Variants in EFHD1 observed in about 807,000 individuals in gnomAD.
EFHD1 encodes EF-hand domain-containing protein D1.
A neutral mutation model predicts 17.2 loss-of-function variants in EFHD1; 10 were observed. The observed-to-expected ratio is 0.58, with a 90% CI of 0.36 to 0.99. The LOEUF (loss-of-function observed/expected upper bound fraction) is 0.99, where lower values mean the gene tolerates loss of function less well. EFHD1 is among the 50% of genes least tolerant of loss of function. The pLI is 0.01. For missense variants in EFHD1, 310 were observed against 327.5 expected (o/e 0.95, Z 0.41); for synonymous variants, 153 against 142.0 (o/e 1.08, Z -0.55).
At chr2:232,630,965 C>T (rs150843660), upstream of EFHD1, among the ~76,000 whole-genome samples, 2,265 of 152,176 alleles carry the variant, frequency 0.015, 68 homozygotes, top group African/African-American at 0.052. Flanking sequence ...GTAGCTCATG[C>T]CTGTAATCCT....
intron 1 of EFHD1, among the ~76,000 whole-genome samples, chr2:232,638,815 A>C (rs915949180): frequency 2.6e-5 from 4 of 152,214 alleles, no homozygotes; most frequent in Admixed American, 6.5e-5. Context: ...TTCAGTCAAC[A>C]GTGATCACCT....
intron 1 of EFHD1, chr2:232,638,477 C>A: frequency 2.1e-6 from 1 of 470,360 alleles, no homozygotes; most frequent in South Asian, 1.6e-5. Flanking sequence ...CCAGTGAAAC[C>A]CAAAAAGGTG....
At chr2:232,619,403 T>C (rs898502776) in intron 1 of EFHD1, among the ~76,000 whole-genome samples, 2 of 150,546 alleles carry the variant, frequency 1.3e-5, no homozygotes, top group African/African-American at 2.4e-5. Flanking sequence ...CTCTGCCTCC[T>C]GGGTTCAAGT....
At chr2:232,620,975 A>T (rs1574702649) in intron 1 of EFHD1, among the ~76,000 whole-genome samples, 1 of 152,176 alleles carries the variant, frequency 6.6e-6, no homozygotes, top group East Asian at 1.9e-4. Flanking sequence ...GTTCTCTAAG[A>T]GGGAGGGGCA....
At chr2:232,668,489 G>A (rs1347273873) in intron 2 of EFHD1, among the ~76,000 whole-genome samples, 1 of 152,146 alleles carries the variant, frequency 6.6e-6, no homozygotes, top group Non-Finnish European at 1.5e-5. Context: ...AGTTCATGAA[G>A]CCCGTCCGTA....
At chr2:232,609,226 AT>A (rs1428033530) in intron 1 of EFHD1, among the ~76,000 whole-genome samples, 1 of 151,298 alleles carries the variant, frequency 6.6e-6, no homozygotes, top group African/African-American at 2.4e-5. Context: ...TGCCCGGCTA[AT>A]TTTTTATATT....
chr2:232,681,986 C>T lies in EFHD1; in HGVS notation c.*267C>T. ...ATAGCCAGAACTTGTATCTTCTCAG[C>T]AACCTTCACTTTGTCCTTGTCCCTT... On this transcript the variant is annotated 3_prime_UTR_variant, in exon 4 of 4. Coordinates refer to ENST00000264059, the MANE Select transcript of EFHD1 (RefSeq NM_025202.4). 2.4e-6 allele frequency: 1 copy of T among 418,634 alleles called. No individual in the cohort carries two copies. The highest frequency in any genetic ancestry group is 4.2e-6 in the Non-Finnish European group (1 of 235,570). The allele number at this position is 418,634 out of a possible 1,614,324, so 25.9% of individuals were successfully genotyped here. A position where few individuals can be genotyped will look rare whatever the true frequency, so the allele number is the denominator to read the frequency against.
At chr2:232,646,668 C>T (rs536120804) in intron 1 of EFHD1, among the ~76,000 whole-genome samples, 1 of 152,190 alleles carries the variant, frequency 6.6e-6, no homozygotes, top group Non-Finnish European at 1.5e-5. Context: ...TGGTCTTGAA[C>T]TCTTGACCTC....
chr2:232,670,421 A>G (rs1402749419), intron 2 of EFHD1, among the ~76,000 whole-genome samples: 1 of 151,966 alleles, frequency 6.6e-6, no homozygotes, highest in Non-Finnish European at 1.5e-5. Flanking sequence ...AGCCTGAGCA[A>G]CAGAGCAAGA....
chr2:232,657,894 C>CTTTTTTTT (rs1165865773), intron 1 of EFHD1, among the ~76,000 whole-genome samples: 1 of 118,684 alleles, frequency 8.4e-6, no homozygotes, highest in African/African-American at 3.0e-5. Context: ...ATTTTTCTTT[C>CTTTTTTTT]TTTTCTTTTT....
At chr2:232,668,045 A>C (rs180888884) in intron 2 of EFHD1, among the ~76,000 whole-genome samples, 1 of 152,272 alleles carries the variant, frequency 6.6e-6, no homozygotes. Context: ...AGGGCTTTTT[A>C]GCTTTGTTAG....
chr2:232,614,442 C>T (rs1364365077), intron 1 of EFHD1, among the ~76,000 whole-genome samples: 2 of 152,158 alleles, frequency 1.3e-5, no homozygotes, highest in Non-Finnish European at 2.9e-5. Context: ...TACAATGATC[C>T]ACTTCCACTT....
chr2:232,681,741 C>T lies in EFHD1; in HGVS notation c.*22C>T. 1 of 1,610,884 alleles carries T rather than the reference C, an allele frequency of 6.2e-7. No homozygotes were observed. Among genetic ancestry groups the T allele is most frequent in the Non-Finnish European group, 8.5e-7 (1 of 1,178,506 alleles). On this transcript the variant is annotated 3_prime_UTR_variant, in exon 4 of 4. Transcript: ENST00000264059. The stretch of plus-strand genomic sequence containing the variant: ...ATAGTCCTGCTGACCTTGCCCTCTG[C>T]CCACAGCTGTGCCTCACAGATGCCC...
chr2:232,672,386 T>C lies in EFHD1; in HGVS notation c.528T>C (p.Ser176=), dbSNP rs1157877534. ...GGCTGATGGCGCTGGCAAAGCTTTC[T>C]GAGATCGATGTGGCCCTGGAGGGTG... is the stretch of plus-strand genomic sequence containing the variant. ...DSGLMALAKL[S]EIDVALEGVK... The change falls in exon 3 of 4, where the codon TCT becomes TCC. Residue 176 remains serine (S), a synonymous_variant. Transcript: ENST00000264059. The C allele has an allele frequency of 3.1e-6, 5 of 1,613,488 alleles. No homozygotes were observed. The Admixed American group carries it at 5.0e-5, about 16-fold the overall frequency.
rs558550291 is a variant in EFHD1 at position 232,647,721 on chromosome 2, C to A, written c.302+13715C>A. ...GCATGATCTCGGCTCACTGAAACCT[C>A]TGCCTCCCAGGTTCAAGTGATTCTC... is the stretch of plus-strand genomic sequence containing the variant. On this transcript the variant is annotated intron_variant, in intron 1 of 3. Transcript: ENST00000264059. 2.0e-5 allele frequency among the ~76,000 whole-genome samples: 3 copies of A among 151,574 alleles called. No homozygotes were observed. In the South Asian group the frequency reaches 6.2e-4, roughly 32 times the overall value.
At chr2:232,654,186 G>A (rs1325687013) in intron 1 of EFHD1, among the ~76,000 whole-genome samples, 11 of 145,734 alleles carry the variant, frequency 7.5e-5, no homozygotes, top group East Asian at 6.1e-4. Context: ...CAGCCTGGGC[G>A]ACAGAGCGAG....
chr2:232,625,764 T>C (rs1351485539), intron 1 of EFHD1, among the ~76,000 whole-genome samples: 3 of 152,184 alleles, frequency 2.0e-5, no homozygotes, highest in Non-Finnish European at 4.4e-5. Flanking sequence ...GTACCCATGA[T>C]GCGAAAGGAA....
chr2:232,608,444 C>T (rs1693758213), intron 1 of EFHD1, among the ~76,000 whole-genome samples: 1 of 152,118 alleles, frequency 6.6e-6, no homozygotes. Flanking sequence ...CTTATAATAC[C>T]TAATACAATG....
intron 3 of EFHD1, among the ~76,000 whole-genome samples, chr2:232,676,457 C>T (rs1358269787): frequency 6.6e-6 from 1 of 152,126 alleles, no homozygotes; most frequent in Non-Finnish European, 1.5e-5. Context: ...GATGAGGATC[C>T]TATGTGTTGA....
Sources: allele counts gnomAD v4.1 joint callset (sites outside exome capture counted in the v4.1 genomes callset), GRCh38; gene constraint gnomAD v4.1.1; transcripts MANE v1.5; gene names NCBI Gene and HGNC (gene_info 2026-07-23, HGNC 2026-07-21).